The following ARHGAP29 variants were observed in gnomAD, a reference collection of about 807,000 sequenced individuals.
ARHGAP29 encodes rho GTPase-activating protein 29.
A neutral mutation model predicts 122.6 loss-of-function variants in ARHGAP29; 43 were observed. The observed-to-expected ratio is 0.35, with a 90% CI of 0.27 to 0.45. The LOEUF (loss-of-function observed/expected upper bound fraction) is 0.45, where lower values mean the gene tolerates loss of function less well. Ranked by LOEUF, ARHGAP29 falls within the 20% of genes least tolerant of loss-of-function variation. The pLI, the probability that ARHGAP29 is intolerant of heterozygous loss-of-function variation, is 1.00. For synonymous variants in ARHGAP29, 506 were observed against 497.1 expected (o/e 1.02, Z -0.24); for missense variants, 1,303 against 1,477.2 (o/e 0.88, Z 1.93).
chr1:94,201,845 T>G lies in ARHGAP29; in HGVS notation c.1156A>C (p.Asn386His). 1 of 1,606,298 alleles carries G rather than the reference T, an allele frequency of 6.2e-7. No individual in the cohort carries two copies. ...GTCACACAAACTTTGTAAAGTTCAT[T>G]TGCTTCTTCTACCTTCACAAATATC... is the stretch of plus-strand genomic sequence containing the variant. ...EEALQKVEEA[N>H]ELYKVCVTNV... The change falls in exon 12 of 23, where the codon AAT becomes CAT. Residue 386 changes from asparagine (N) to histidine (H), a missense_variant. Asn to His is a moderately conservative substitution (Grantham distance 68). This residue lies in a region of ARHGAP29 where 592 missense variants were observed against 648.2 expected (regional missense o/e 0.91). Transcript: ENST00000260526.
At chr1:94,229,549 T>C (rs1652806027) in intron 2 of ARHGAP29, among the ~76,000 whole-genome samples, 1 of 151,792 alleles carries the variant, frequency 6.6e-6, no homozygotes, top group Non-Finnish European at 1.5e-5. Context: ...GAACATCCTC[T>C]GGCCACTGCA....
In ARHGAP29 at chr1:94,208,895, G is replaced by A. The variant is rs1442708572; in HGVS notation, c.447C>T (p.Asn149=). 3 of 1,613,616 alleles carry A rather than the reference G, an allele frequency of 1.9e-6. No homozygotes were observed. Among genetic ancestry groups the A allele is most frequent in the Admixed American group, 1.7e-5 (1 of 59,982 alleles). Residue 149 remains asparagine (N), a synonymous_variant, in exon 5 of 23, where the codon AAC becomes AAT. Transcript: ENST00000260526. ...LAFTFGNILT[N]FLMGDVGNDS... Reference sequence around the variant, plus strand: ...CATTGCCTACATCTCCCATAAGGAAGTTTGTAAGGCTATCCAAGGAGGTTA... The same window carrying A: ...CATTGCCTACATCTCCCATAAGGAAATTTGTAAGGCTATCCAAGGAGGTTA...
chr1:94,262,331 C>G (rs1054801301), intron 1 of ARHGAP29, among the ~76,000 whole-genome samples: 33 of 152,180 alleles, frequency 2.2e-4, no homozygotes, highest in African/African-American at 7.9e-4. Context: ...CAATACCATT[C>G]TAGATATAGG....
At chr1:94,253,061 C>G (rs975001863) in intron 1 of ARHGAP29, among the ~76,000 whole-genome samples, 9 of 152,000 alleles carry the variant, frequency 5.9e-5, no homozygotes, top group African/African-American at 1.9e-4. Flanking sequence ...ATCTCTGCCT[C>G]CTGGGTTCAA....
At chr1:94,266,356 A>G (rs1654771319) in intron 1 of ARHGAP29, among the ~76,000 whole-genome samples, 1 of 152,192 alleles carries the variant, frequency 6.6e-6, no homozygotes, top group Non-Finnish European at 1.5e-5. Flanking sequence ...GCTAGTCCAG[A>G]AACTCCTCTC....
At chr1:94,187,914 C>T (rs899944371) in intron 15 of ARHGAP29, among the ~76,000 whole-genome samples, 3 of 151,966 alleles carry the variant, frequency 2.0e-5, no homozygotes, top group Non-Finnish European at 4.4e-5. Flanking sequence ...CCCAGTGCTG[C>T]GTGAAAATAG....
intron 12 of ARHGAP29, among the ~76,000 whole-genome samples, chr1:94,198,546 T>C (rs1650612682): frequency 6.6e-6 from 1 of 152,092 alleles, no homozygotes; most frequent in African/African-American, 2.4e-5. Context: ...TCTATACATA[T>C]GCACTTATGT....
chr1:94,187,233 T>C (rs1480804427), intron 15 of ARHGAP29, among the ~76,000 whole-genome samples: 2 of 152,158 alleles, frequency 1.3e-5, no homozygotes, highest in Admixed American at 6.5e-5. Context: ...GTTTATTTAC[T>C]CCCTCTGCAC....
intron 19 of ARHGAP29, 89 bp from the exon 20 acceptor site, chr1:94,180,046 TG>T: frequency 5.9e-6 from 5 of 851,412 alleles, no homozygotes; most frequent in Non-Finnish European, 5.3e-6. Flanking sequence ...TGATTTAGCA[TG>T]TCCCTTTACA....
chr1:94,198,810 G>C (rs1270420677), intron 12 of ARHGAP29, among the ~76,000 whole-genome samples: 1 of 152,154 alleles, frequency 6.6e-6, no homozygotes, highest in Non-Finnish European at 1.5e-5. Context: ...CAAAATGTTG[G>C]CAAGAGTTTT....
At chr1:94,298,745 AAT>A in the ARHGAP29 span, among the ~76,000 whole-genome samples, 2 of 152,188 alleles carry the variant, frequency 1.3e-5, no homozygotes, top group Admixed American at 1.3e-4. Flanking sequence ...TAGAAGAGTA[AAT>A]ATATATATAA....
the ARHGAP29 span, among the ~76,000 whole-genome samples, chr1:94,294,238 G>T: frequency 6.6e-6 from 1 of 151,960 alleles, no homozygotes; most frequent in South Asian, 2.1e-4. Context: ...GCAGCCAAAA[G>T]AGTCAGCAAT....
At position 94,173,918 on chromosome 1, in the gene ARHGAP29, C is replaced by T. The variant is rs769645920; in HGVS notation, c.3737G>A (p.Arg1246Gln). Residue 1246 changes from arginine (R) to glutamine (Q), a missense_variant, in exon 23 of 23, where the codon CGA (arginine) becomes CAA (glutamine). This residue lies in a region of ARHGAP29 where 620 missense variants were observed against 651.2 expected (regional missense o/e 0.95). Coordinates refer to ENST00000260526, the MANE Select transcript of ARHGAP29 (RefSeq NM_004815.4). ...NPMCQRPRLKRMQQFEDLEGE... is the reference protein window; with the variant it reads ...NPMCQRPRLKQMQQFEDLEGE... ...TTCGAGGTCTTCAAACTGTTGCATTCGTTTTAGCCTTGGTCTCTGACACAT... is the reference window on the plus strand; with the variant it reads ...TTCGAGGTCTTCAAACTGTTGCATTTGTTTTAGCCTTGGTCTCTGACACAT... The T allele has an allele frequency of 1.7e-5, 28 of 1,612,322 alleles. No individual in the cohort carries two copies. The highest frequency in any genetic ancestry group is 5.5e-5 in the South Asian group (5 of 90,964).
At chr1:94,288,253 A>G in the ARHGAP29 span, among the ~76,000 whole-genome samples, 1 of 152,200 alleles carries the variant, frequency 6.6e-6, no homozygotes, top group Admixed American at 6.5e-5. Context: ...ACCAGTGATG[A>G]TGAGCATTTT....
At chr1:94,280,372 A>G in the ARHGAP29 span, among the ~76,000 whole-genome samples, 4 of 152,190 alleles carry the variant, frequency 2.6e-5, no homozygotes, top group Non-Finnish European at 5.9e-5. Context: ...GCTGCAGACC[A>G]TCTTCCTGTC....
chr1:94,255,493 T>G (rs1275667912), intron 1 of ARHGAP29, among the ~76,000 whole-genome samples: 1 of 152,210 alleles, frequency 6.6e-6, no homozygotes, highest in Non-Finnish European at 1.5e-5. Flanking sequence ...ACTGATGGGT[T>G]CTAGTTGGAT....
At chr1:94,309,094 G>T in the ARHGAP29 span, among the ~76,000 whole-genome samples, 1 of 152,192 alleles carries the variant, frequency 6.6e-6, no homozygotes, top group Non-Finnish European at 1.5e-5. Flanking sequence ...CTCTTGTTGC[G>T]GGGGCGCCCA....
chr1:94,264,430 G>C (rs1455395814), intron 1 of ARHGAP29, among the ~76,000 whole-genome samples: 1 of 152,062 alleles, frequency 6.6e-6, no homozygotes, highest in East Asian at 1.9e-4. Flanking sequence ...ATCAGTAGGG[G>C]TCTGGAAATG....
intron 12 of ARHGAP29, chr1:94,194,157 A>C (rs895696945): frequency 9.9e-5 from 15 of 152,172 alleles, no homozygotes; most frequent in Non-Finnish European, 2.1e-4. Flanking sequence ...AGAATAATCT[A>C]TTTTAGGCTG....
Sources: allele counts gnomAD v4.1 joint callset (sites outside exome capture counted in the v4.1 genomes callset), GRCh38; gene constraint gnomAD v4.1.1; regional missense constraint gnomAD v4.1.1; transcripts MANE v1.5; gene names NCBI Gene and HGNC (gene_info 2026-07-23, HGNC 2026-07-21).